The following DISC1 variants were observed in gnomAD, a reference collection of about 807,000 sequenced individuals.
DISC1 encodes the protein disrupted in schizophrenia 1 protein.
DISC1 carries 57 observed loss-of-function variants against 84.5 expected under a neutral mutation model. The observed-to-expected ratio is 0.67, with a 90% confidence interval of 0.55 to 0.84. The LOEUF is 0.84. Among genes scored for constraint, DISC1 ranks in the 40% least tolerant of loss-of-function variants. The pLI, the probability that DISC1 is intolerant of heterozygous loss-of-function variation, is 0.00. For missense variants in DISC1, 1,000 were observed against 1,057.8 expected (o/e 0.95, Z 0.76); for synonymous variants, 411 against 415.2 (o/e 0.99, Z 0.12).
At chr1:231,866,806 T>C (rs1258046103) in intron 9 of DISC1, 3 of 1,047,512 alleles carry the variant, frequency 2.9e-6, no homozygotes, top group Non-Finnish European at 2.5e-6. Flanking sequence ...AAAGTCATGA[T>C]AGTTTCTTAA....
At chr1:231,889,775 T>TTCTC (rs146471841) in intron 9 of DISC1, among the ~76,000 whole-genome samples, 1 of 149,676 alleles carries the variant, frequency 6.7e-6, no homozygotes, top group African/African-American at 2.4e-5. Flanking sequence ...ACTGCCCTTA[T>TTCTC]TCTCTCTCTC....
chr1:231,976,932 T>G (rs1662890380), intron 10 of DISC1, among the ~76,000 whole-genome samples: 2 of 152,288 alleles, frequency 1.3e-5, no homozygotes, highest in Admixed American at 6.5e-5. Context: ...TTAAAGAGAT[T>G]ATGTGCTGTA....
At chr1:232,002,195 G>A (rs1666775405) in intron 10 of DISC1, among the ~76,000 whole-genome samples, 1 of 151,512 alleles carries the variant, frequency 6.6e-6, no homozygotes, top group African/African-American at 2.4e-5. Flanking sequence ...ACACCTCTCA[G>A]AATGGCAAAA....
At chr1:231,884,388 G>A (rs2086523620) in intron 9 of DISC1, among the ~76,000 whole-genome samples, 1 of 152,118 alleles carries the variant, frequency 6.6e-6, no homozygotes, top group Admixed American at 6.5e-5. Flanking sequence ...TAGGATAATG[G>A]CTTCCAGCTC....
At chr1:231,676,636 A>G (rs17815196) in intron 1 of DISC1, among the ~76,000 whole-genome samples, 5,177 of 152,284 alleles carry the variant, frequency 0.034, 118 homozygotes, top group Middle Eastern at 0.071. Context: ...CTATTCTCCC[A>G]AATTCCTCAA....
rs149117943 is a variant in DISC1, at chr1:231,754,003, C to T, written c.1268+3927C>T. Among the ~76,000 whole-genome samples the T allele has an allele frequency of 5.5e-3, 845 of 152,292 alleles. 7 individuals carry two copies. The highest frequency in any genetic ancestry group is 0.019 in the African/African-American group (805 of 41,556). Reference sequence around the variant, plus strand: ...ATAAGTTTCTCATTTCCATCTGAGACCTCATGAGCCTGGCTTTCACTGTTC... The same window carrying T: ...ATAAGTTTCTCATTTCCATCTGAGATCTCATGAGCCTGGCTTTCACTGTTC... On this transcript the variant is annotated intron_variant, in intron 4 of 12. Transcript: ENST00000439617.
chr1:231,649,526 A>G (rs887486534), intron 1 of DISC1, among the ~76,000 whole-genome samples: 2 of 152,208 alleles, frequency 1.3e-5, no homozygotes, highest in Non-Finnish European at 2.9e-5. Flanking sequence ...AGAAGAATGT[A>G]TATTCTGTTG....
At chr1:231,956,859 A>G (rs1242187379) in intron 9 of DISC1, among the ~76,000 whole-genome samples, 2 of 152,160 alleles carry the variant, frequency 1.3e-5, no homozygotes, top group Non-Finnish European at 2.9e-5. Context: ...AAACACCTAC[A>G]CAGGGCCTCT....
chr1:231,901,571 G>A (rs1390914101), intron 9 of DISC1, among the ~76,000 whole-genome samples: 1 of 152,124 alleles, frequency 6.6e-6, no homozygotes, highest in Non-Finnish European at 1.5e-5. Context: ...GGCCCATGAA[G>A]CTCTGTGCAC....
intron 1 of DISC1, among the ~76,000 whole-genome samples, chr1:231,680,153 A>G (rs1219212953): frequency 1.3e-5 from 2 of 152,122 alleles, no homozygotes; most frequent in Non-Finnish European, 2.9e-5. Flanking sequence ...GCTTGAACAC[A>G]GGGGGCGGAG....
At chr1:231,913,366 A>G (rs2089397980) in intron 9 of DISC1, among the ~76,000 whole-genome samples, 1 of 152,212 alleles carries the variant, frequency 6.6e-6, no homozygotes, top group African/African-American at 2.4e-5. Flanking sequence ...ACTTTCAGCC[A>G]TGAAGACCTC....
intron 3 of DISC1, among the ~76,000 whole-genome samples, chr1:231,729,055 T>A (rs2071158164): frequency 6.6e-6 from 1 of 152,086 alleles, no homozygotes; most frequent in African/African-American, 2.4e-5. Flanking sequence ...TGAGTTCTCA[T>A]TGTTCAATTC....
Position 232,024,552 on chromosome 1 carries a change from T to G in DISC1, c.2308-1883T>G, listed in dbSNP as rs556772367. On this transcript the variant is annotated intron_variant, in intron 11 of 12. Transcript: ENST00000439617. ...ATTCATTGTATCTTTTGTAGTAAACTTGTAGTTTAAGATGAATACGTATCT... is the reference window on the plus strand; with the variant it reads ...ATTCATTGTATCTTTTGTAGTAAACGTGTAGTTTAAGATGAATACGTATCT... Among the ~76,000 whole-genome samples the G allele has an allele frequency of 5.3e-5, 8 of 152,316 alleles. No homozygotes were observed. The South Asian group carries it at 1.7e-3, about 32-fold the overall frequency.
intron 9 of DISC1, among the ~76,000 whole-genome samples, chr1:231,927,763 A>G (rs1347143830): frequency 6.6e-6 from 1 of 152,244 alleles, no homozygotes; most frequent in African/African-American, 2.4e-5. Context: ...CAAAGGAGAT[A>G]GGCAAGGAGC....
chr1:231,779,399 A>G (rs1032531597), intron 6 of DISC1, among the ~76,000 whole-genome samples: 59 of 152,188 alleles, frequency 3.9e-4, no homozygotes, highest in African/African-American at 1.4e-3. Flanking sequence ...ATTGTAATAC[A>G]TGTAAATGTT....
intron 4 of DISC1, among the ~76,000 whole-genome samples, chr1:231,766,532 AC>A (rs2076191321): frequency 6.6e-6 from 1 of 152,162 alleles, no homozygotes; most frequent in African/African-American, 2.4e-5. Context: ...TTGACTAGTG[AC>A]TCAAACAGTA....
chr1:231,979,444 T>G (rs954167219), intron 10 of DISC1, among the ~76,000 whole-genome samples: 1 of 151,854 alleles, frequency 6.6e-6, no homozygotes, highest in East Asian at 1.9e-4. Flanking sequence ...ATCTAGAAAA[T>G]TGTGTACCAA....
intron 10 of DISC1, among the ~76,000 whole-genome samples, chr1:232,004,883 C>CCCTCCCTT (rs1667164322): frequency 9.6e-6 from 1 of 104,526 alleles, no homozygotes; most frequent in Admixed American, 8.7e-5. Context: ...CTCCCTCCCT[C>CCCTCCCTT]CCTTCCTTCC....
chr1:231,760,612 A>C (rs187549856), intron 4 of DISC1, among the ~76,000 whole-genome samples: 1 of 152,286 alleles, frequency 6.6e-6, no homozygotes, highest in Non-Finnish European at 1.5e-5. Flanking sequence ...CAGTGGCACA[A>C]AGCAATTTTT....
Sources: allele counts gnomAD v4.1 joint callset (sites outside exome capture counted in the v4.1 genomes callset), GRCh38; gene constraint gnomAD v4.1.1; transcripts MANE v1.5; gene names NCBI Gene and HGNC (gene_info 2026-07-23, HGNC 2026-07-21).